MSRA: variants seen among roughly 807,000 people sequenced by gnomAD.
The protein encoded by MSRA is methionine sulfoxide reductase A.
A neutral mutation model predicts 31.3 loss-of-function variants in MSRA; 54 were observed. That is an observed-to-expected ratio of 1.73 (90% CI 1.39 to 2.17). The LOEUF (loss-of-function observed/expected upper bound fraction) is 2.17. Among genes scored for constraint, MSRA ranks in the 30% most tolerant of loss-of-function variants. MSRA has a pLI of 0.00. For synonymous variants in MSRA, 169 were observed against 116.5 expected (o/e 1.45, Z -2.90); for missense variants, 507 against 300.9 (o/e 1.69, Z -5.07).
chr8:10,144,555 G>C (rs1361332328), intron 1 of MSRA, among the ~76,000 whole-genome samples: 3 of 152,166 alleles, frequency 2.0e-5, no homozygotes, highest in African/African-American at 7.2e-5. Context: ...TTCAAGATCA[G>C]ATTATCCAAA....
At chr8:10,238,546 A>G (rs559382298) in intron 2 of MSRA, among the ~76,000 whole-genome samples, 234 of 152,340 alleles carry the variant, frequency 1.5e-3, no homozygotes, top group African/African-American at 5.5e-3. Flanking sequence ...TGATGAAAAA[A>G]CAGTATAGGA....
chr8:10,249,303 T>C (rs1419026182), intron 3 of MSRA, among the ~76,000 whole-genome samples: 1 of 152,214 alleles, frequency 6.6e-6, no homozygotes, highest in Admixed American at 6.5e-5. Context: ...TATCTCAGTC[T>C]ATTGTGAGTT....
chr8:10,198,099 T>A (rs75932524), intron 1 of MSRA, among the ~76,000 whole-genome samples: 1 of 152,244 alleles, frequency 6.6e-6, no homozygotes, highest in African/African-American at 2.4e-5. Context: ...TTTCCTTTTT[T>A]CAAGCGTTGC....
At chr8:10,310,460 T>G (rs1801372774) in intron 4 of MSRA, among the ~76,000 whole-genome samples, 1 of 152,252 alleles carries the variant, frequency 6.6e-6, no homozygotes, top group Admixed American at 6.5e-5. Context: ...TTTTAAATCC[T>G]TCTGTCATAT....
At chr8:10,322,125 T>G (rs1802077406) in intron 5 of MSRA, among the ~76,000 whole-genome samples, 1 of 152,180 alleles carries the variant, frequency 6.6e-6, no homozygotes, top group South Asian at 2.1e-4. Flanking sequence ...TCAATTCACA[T>G]GTCATCTGTG....
intron 5 of MSRA, among the ~76,000 whole-genome samples, chr8:10,384,906 C>T (rs1226895325): frequency 6.6e-6 from 1 of 151,930 alleles, no homozygotes; most frequent in African/African-American, 2.4e-5. Flanking sequence ...GGAAGCTGAG[C>T]CAGAAGGATC....
intron 1 of MSRA, among the ~76,000 whole-genome samples, chr8:10,156,179 G>T (rs534629038): frequency 5.3e-5 from 8 of 152,292 alleles, no homozygotes; most frequent in African/African-American, 1.9e-4. Context: ...ACAGCCAATT[G>T]CAGTGAATGA....
At chr8:10,157,363 G>A (rs558650727) in intron 1 of MSRA, among the ~76,000 whole-genome samples, 5 of 152,056 alleles carry the variant, frequency 3.3e-5, no homozygotes, top group Admixed American at 2.6e-4. Flanking sequence ...TGATTTGAGG[G>A]CCTTAGTCTT....
chr8:10,311,894 G>A (rs2129132423), intron 4 of MSRA, among the ~76,000 whole-genome samples: 2 of 152,302 alleles, frequency 1.3e-5, no homozygotes, highest in East Asian at 3.9e-4. Context: ...ACCAGCCTGG[G>A]CAACAGAGCA....
intron 2 of MSRA, among the ~76,000 whole-genome samples, chr8:10,244,158 G>T (rs1380091963): frequency 6.6e-6 from 1 of 152,158 alleles, no homozygotes; most frequent in East Asian, 1.9e-4. Flanking sequence ...GTTCCACTCA[G>T]GATCTCAGTT....
At chr8:10,208,031 A>G (rs1809154154) in intron 2 of MSRA, 130 bp downstream of exon 2, 1 of 640,120 alleles carries the variant, frequency 1.6e-6, no homozygotes, top group African/African-American at 1.8e-5. Flanking sequence ...TGTTACAGCC[A>G]AGAAAACTAT....
chr8:10,357,525 C>T (rs1804577935), intron 5 of MSRA, among the ~76,000 whole-genome samples: 1 of 152,114 alleles, frequency 6.6e-6, no homozygotes, highest in South Asian at 2.1e-4. Context: ...TATCTTTGAC[C>T]AGCCGGAGCT....
intron 5 of MSRA, among the ~76,000 whole-genome samples, chr8:10,325,299 C>T (rs118042312): frequency 0.013 from 1,938 of 152,112 alleles, 20 homozygotes; most frequent in Admixed American, 0.028. Context: ...ATAATATGTA[C>T]TTTTATATAG....
intron 5 of MSRA, among the ~76,000 whole-genome samples, chr8:10,340,615 C>T (rs377311862): frequency 3.9e-5 from 6 of 152,226 alleles, no homozygotes; most frequent in South Asian, 2.1e-4. Flanking sequence ...TCAAGTGATC[C>T]GCCTGCCTCA....
At chr8:10,183,103 T>C (rs1806688543) in intron 1 of MSRA, among the ~76,000 whole-genome samples, 1 of 152,184 alleles carries the variant, frequency 6.6e-6, no homozygotes, top group Non-Finnish European at 1.5e-5. Context: ...GGAACCCTCA[T>C]GTTATAGCTT....
chr8:10,342,007 A>T (rs1273597852), intron 5 of MSRA, among the ~76,000 whole-genome samples: 1 of 152,110 alleles, frequency 6.6e-6, no homozygotes, highest in Non-Finnish European at 1.5e-5. Context: ...GGCTTTGGGG[A>T]AGCTTAACTG....
intron 1 of MSRA, among the ~76,000 whole-genome samples, chr8:10,087,207 T>C (rs1478513664): frequency 6.6e-6 from 1 of 152,184 alleles, no homozygotes; most frequent in Non-Finnish European, 1.5e-5. Flanking sequence ...AATTTCAGCA[T>C]ACTATAAATA....
chr8:10,187,399 G>A (rs1392479297), intron 1 of MSRA, among the ~76,000 whole-genome samples: 3 of 152,132 alleles, frequency 2.0e-5, no homozygotes, highest in African/African-American at 4.8e-5. Context: ...GATTTACACC[G>A]GTACCCAAGC....
At chr8:10,373,824 G>C (rs1276783950) in intron 5 of MSRA, among the ~76,000 whole-genome samples, 1 of 152,256 alleles carries the variant, frequency 6.6e-6, no homozygotes, top group African/African-American at 2.4e-5. Context: ...AGGGTGGGCT[G>C]TTGAGCCCCT....
Sources: allele counts gnomAD v4.1 joint callset (sites outside exome capture counted in the v4.1 genomes callset), GRCh38; gene constraint gnomAD v4.1.1; transcripts MANE v1.5; gene names NCBI Gene and HGNC (gene_info 2026-07-23, HGNC 2026-07-21).